Variants in ADAMTS6 observed in about 807,000 individuals in gnomAD.
ADAMTS6 encodes the protein A disintegrin and metalloproteinase with thrombospondin motifs 6.
ADAMTS6 carries 23 observed loss-of-function variants against 144.3 expected under a neutral mutation model. The ratio of observed to expected loss-of-function variants is 0.16; its 90% confidence interval spans 0.11 to 0.23. The LOEUF (loss-of-function observed/expected upper bound fraction) is 0.23. Ranked by LOEUF, ADAMTS6 falls within the 10% of genes least tolerant of loss-of-function variation. The pLI is 1.00. For synonymous variants in ADAMTS6, 444 were observed against 457.5 expected, an observed-to-expected ratio of 0.97 and a Z score of 0.38; for missense variants, 999 against 1,379.6, an observed-to-expected ratio of 0.72 and a Z score of 4.37.
intron 14 of ADAMTS6, among the ~76,000 whole-genome samples, chr5:65,244,462 G>T (rs1255951882): frequency 3.9e-5 from 6 of 152,184 alleles, no homozygotes; most frequent in Non-Finnish European, 2.9e-5. Flanking sequence ...CCAATATGGG[G>T]ATATTACTAT....
chr5:65,289,756 T>C, intron 11 of ADAMTS6, among the ~76,000 whole-genome samples: 1 of 152,160 alleles, frequency 6.6e-6, no homozygotes, highest in East Asian at 1.9e-4. Context: ...AATTTGCATG[T>C]AGAGTTAAAA....
chr5:65,260,885 T>C (rs1262860565), intron 13 of ADAMTS6, among the ~76,000 whole-genome samples: 1 of 152,126 alleles, frequency 6.6e-6, no homozygotes, highest in African/African-American at 2.4e-5. Context: ...AATAGTACTA[T>C]TAATTTTGTA....
chr5:65,392,772 G>A (rs1253723556), intron 7 of ADAMTS6, among the ~76,000 whole-genome samples: 1 of 152,050 alleles, frequency 6.6e-6, no homozygotes, highest in Non-Finnish European at 1.5e-5. Context: ...TTATAAAACT[G>A]CCTGGTGATT....
intron 3 of ADAMTS6, among the ~76,000 whole-genome samples, chr5:65,464,511 T>C (rs543563992): frequency 2.0e-5 from 3 of 152,324 alleles, no homozygotes; most frequent in African/African-American, 4.8e-5. Flanking sequence ...GTTACCTATA[T>C]TTAAAATTGA....
chr5:65,389,715 T>G (rs1053607636), intron 7 of ADAMTS6, among the ~76,000 whole-genome samples: 7 of 152,044 alleles, frequency 4.6e-5, no homozygotes, highest in Non-Finnish European at 7.4e-5. Context: ...GGCATTTGGC[T>G]GGGCTTATTT....
At chr5:65,418,448 G>A (rs1755732249) in intron 7 of ADAMTS6, among the ~76,000 whole-genome samples, 1 of 152,074 alleles carries the variant, frequency 6.6e-6, no homozygotes, top group Non-Finnish European at 1.5e-5. Context: ...CTGCCAAATA[G>A]GGGCTTTTTC....
At chr5:65,307,316 A>C (rs995919738) in intron 9 of ADAMTS6, among the ~76,000 whole-genome samples, 3 of 152,198 alleles carry the variant, frequency 2.0e-5, no homozygotes, top group Admixed American at 2.0e-4. Context: ...AGTATGTTTT[A>C]TATTTCATTT....
At chr5:65,431,058 A>G (rs906097212) in intron 7 of ADAMTS6, among the ~76,000 whole-genome samples, 1 of 152,180 alleles carries the variant, frequency 6.6e-6, no homozygotes, top group African/African-American at 2.4e-5. Context: ...GTAAGCACTC[A>G]GTAAATGTTT....
chr5:65,257,389 A>C (rs1363305319), intron 14 of ADAMTS6, among the ~76,000 whole-genome samples: 1 of 151,848 alleles, frequency 6.6e-6, no homozygotes, highest in Non-Finnish European at 1.5e-5. Flanking sequence ...CTCACCTTCT[A>C]TCTCTCTCAC....
chr5:65,464,175 G>C (rs546125359), intron 3 of ADAMTS6, among the ~76,000 whole-genome samples: 1 of 152,290 alleles, frequency 6.6e-6, no homozygotes, highest in African/African-American at 2.4e-5. Context: ...ATGTGCATGT[G>C]CACATACCCT....
At chr5:65,361,355 C>T (rs1242999435) in intron 7 of ADAMTS6, among the ~76,000 whole-genome samples, 4 of 152,172 alleles carry the variant, frequency 2.6e-5, no homozygotes, top group Non-Finnish European at 4.4e-5. Flanking sequence ...ATAGCCACCA[C>T]TACTATCCAC....
intron 9 of ADAMTS6, among the ~76,000 whole-genome samples, chr5:65,314,387 A>T (rs548778969): frequency 6.6e-6 from 1 of 152,188 alleles, no homozygotes; most frequent in South Asian, 2.1e-4. Context: ...CCATCCAGGA[A>T]TTTTGAGACA....
chr5:65,400,899 GCT>G (rs1181775436), intron 7 of ADAMTS6, among the ~76,000 whole-genome samples: 5 of 152,006 alleles, frequency 3.3e-5, no homozygotes, highest in African/African-American at 9.7e-5. Context: ...TTTCTTTTCG[GCT>G]CTTTCTTAGA....
At chr5:65,229,738 A>C (rs1433567491) in intron 15 of ADAMTS6, among the ~76,000 whole-genome samples, 4 of 152,274 alleles carry the variant, frequency 2.6e-5, no homozygotes, top group African/African-American at 9.6e-5. Flanking sequence ...AAAAATCTCC[A>C]GTCAGGCAAA....
chr5:65,338,925 T>C (rs1172328506), intron 7 of ADAMTS6, among the ~76,000 whole-genome samples: 1 of 151,196 alleles, frequency 6.6e-6, no homozygotes, highest in African/African-American at 2.4e-5. Flanking sequence ...AATAGCCCTG[T>C]GGGCCAACCC....
rs563560761 is a variant in ADAMTS6, at chr5:65,301,841, C to T, written c.1224-1710G>A. Among the ~76,000 whole-genome samples the T allele has an allele frequency of 7.9e-5, 12 of 152,008 alleles. No homozygotes were observed. In the South Asian group the frequency reaches 1.2e-3, roughly 16 times the overall value. The stretch of plus-strand genomic sequence containing the variant: ...GGGTGGCTCACACCTGTAATCCCAG[C>T]GCTTTGCGAGGCTGGGGCGGGAGGA... On this transcript the variant is annotated intron_variant, in intron 9 of 24. Transcript: ENST00000381055.
chr5:65,176,463 T>C (rs1753987877), intron 22 of ADAMTS6, among the ~76,000 whole-genome samples: 1 of 152,182 alleles, frequency 6.6e-6, no homozygotes, highest in South Asian at 2.1e-4. Flanking sequence ...GGTTAAAAAG[T>C]ATATATTGTT....
intron 11 of ADAMTS6, among the ~76,000 whole-genome samples, chr5:65,274,030 T>C (rs1762259652): frequency 6.6e-6 from 1 of 152,166 alleles, no homozygotes; most frequent in Non-Finnish European, 1.5e-5. Context: ...CAATTTAGCC[T>C]ACCTCCATGA....
chr5:65,346,945 C>T (rs1748379865), intron 7 of ADAMTS6, among the ~76,000 whole-genome samples: 1 of 148,694 alleles, frequency 6.7e-6, no homozygotes, highest in South Asian at 2.1e-4. Flanking sequence ...ATCCCATTTA[C>T]AATACCATTA....
Sources: gnomAD v4.1 joint callset for allele counts (sites outside exome capture counted in the v4.1 genomes callset) on GRCh38, gnomAD v4.1.1 for gene constraint, MANE v1.5 for transcripts, NCBI Gene and HGNC (gene_info 2026-07-23, HGNC 2026-07-21) for gene names.